CARD16: variants seen among roughly 807,000 people sequenced by gnomAD.
The protein encoded by CARD16 is caspase recruitment domain family member 16.
Under a neutral mutation model 11.9 loss-of-function variants are expected in CARD16, and 8 were observed. That is an observed-to-expected ratio of 0.67 (90% CI 0.39 to 1.21). The LOEUF (loss-of-function observed/expected upper bound fraction) is 1.21, where lower values mean the gene tolerates loss of function less well. Ranked by LOEUF, CARD16 falls within the 50% of genes most tolerant of loss-of-function variation. The pLI, the probability that CARD16 is intolerant of heterozygous loss-of-function variation, is 0.01. For synonymous variants in CARD16, 44 were observed against 43.8 expected, an observed-to-expected ratio of 1.00 and a Z score of -0.02; for missense variants, 131 against 118.1, an observed-to-expected ratio of 1.11 and a Z score of -0.51.
intron 1 of CARD16, 180 bp downstream of exon 1, chr11:105,045,111 G>A: frequency 2.4e-6 from 2 of 836,166 alleles, no homozygotes; most frequent in Non-Finnish European, 3.9e-6. Flanking sequence ...TTCTGGGCTT[G>A]CCTTTTCTTT....
intron 2 of CARD16, 83 bp downstream of exon 2, chr11:105,044,309 A>G (rs1381114936): frequency 2.5e-6 from 4 of 1,598,676 alleles, no homozygotes; most frequent in South Asian, 2.2e-5. Flanking sequence ...TATTCTGCAG[A>G]TTAACATGAC....
intron 2 of CARD16, 139 bp downstream of exon 2, chr11:105,044,253 A>G (rs995722484): frequency 2.2e-6 from 3 of 1,365,468 alleles, no homozygotes; most frequent in South Asian, 2.7e-5. Flanking sequence ...GACATGCAAT[A>G]GGGCCTCTGC....
chr11:105,043,782 T>C (rs1180763881), intron 2 of CARD16: 4 of 430,884 alleles, frequency 9.3e-6, no homozygotes, highest in Non-Finnish European at 1.7e-5. Context: ...CTGCAGATGA[T>C]GGAAGTCCAG....
In CARD16 at chr11:105,044,414, T is replaced by C. The variant is rs1333147248; in HGVS notation, c.252A>G (p.Ala84=). The C allele has an allele frequency of 6.2e-7, 1 of 1,614,124 alleles. No individual in the cohort carries two copies. The highest frequency in any genetic ancestry group is 2.2e-5 in the East Asian group (1 of 44,886). ...TACCTGCTGAGAGTCCCAGCGTCTC[T>C]GCCAGGTAACTGTCTTCTTCACAAA... ...TYICEEDSYL[A]ETLGLSAGPI... The change falls in exon 2 of 4, where the codon GCA becomes GCG. Residue 84 remains alanine, a synonymous_variant. Transcript: ENST00000673097.
At chr11:105,042,020 A>G (rs1319670482) in intron 3 of CARD16, among the ~76,000 whole-genome samples, 1 of 152,218 alleles carries the variant, frequency 6.6e-6, no homozygotes, top group East Asian at 1.9e-4. Context: ...GAAACAGTCA[A>G]TGAGTGATAT....
chr11:105,041,672 G>C lies in CARD16; in HGVS notation c.*91C>G. The C allele has an allele frequency of 6.2e-7, 1 of 1,613,928 alleles. No homozygotes were observed. The highest frequency in any genetic ancestry group is 8.5e-7 in the Non-Finnish European group (1 of 1,179,910). On this transcript the variant is annotated 3_prime_UTR_variant, in exon 4 of 4. Transcript: ENST00000673097. Reference sequence around the variant, plus strand: ...AAGCAAAGCTTGATTCTGCCTTCTGGGCTTGAGCATGTGGGCATAGCTGGG... The same window carrying C: ...AAGCAAAGCTTGATTCTGCCTTCTGCGCTTGAGCATGTGGGCATAGCTGGG...
At chr11:105,044,278 C>T (rs1864156921) in intron 2 of CARD16, 114 bp downstream of exon 2, 2 of 1,540,498 alleles carry the variant, frequency 1.3e-6, no homozygotes, top group African/African-American at 1.4e-5. Context: ...GAAATATGGC[C>T]CAAAGGCAGA....
chr11:105,042,516 T>A (rs570673947), intron 3 of CARD16, among the ~76,000 whole-genome samples: 56 of 152,306 alleles, frequency 3.7e-4, no homozygotes, highest in African/African-American at 1.3e-3. Flanking sequence ...ATCCAGAGGA[T>A]CTTTTAGAAA....
At chr11:105,045,160 C>T (rs1864177330) in intron 1 of CARD16, 131 bp downstream of exon 1, 4 of 1,309,560 alleles carry the variant, frequency 3.1e-6, no homozygotes, top group Non-Finnish European at 4.4e-6. Context: ...TTCTCTCCTC[C>T]CACTCCTCCC....
At chr11:105,043,112 A>T (rs1864138571) in intron 3 of CARD16, among the ~76,000 whole-genome samples, 1 of 152,154 alleles carries the variant, frequency 6.6e-6, no homozygotes, top group African/African-American at 2.4e-5. Context: ...TGATGGTGGC[A>T]TCAAAAACCA....
rs141911009 is a variant in CARD16, at chr11:105,044,622, T to A, written c.44A>T (p.His15Leu). 7.4e-6 allele frequency: 12 copies of A among 1,614,060 alleles called. No individual in the cohort carries two copies. Among genetic ancestry groups the A allele is most frequent in the Admixed American group, 5.0e-5 (3 of 60,010 alleles). ...VLKEKRKLFI[H>L]SMGEGTINGL... ...ATTTATTGTACCTTCACCCATGGAA[T>A]GGATAAACAGCTTTCTCTTCTCCTT... The change falls in exon 2 of 4, where the codon CAT becomes CTT. Residue 15 changes from histidine (H) to leucine (L), a missense_variant. By Grantham distance (99) the His-to-Leu change is moderately conservative (BLOSUM62 -3). Transcript: ENST00000673097.
rs370228566 is a variant in CARD16, at chr11:105,044,701, C to A, written c.8-43G>T. ...ATTTCTCACATCATGAAAACAGCCT[C>A]ATATTCCTCTCACGTCATCAACAGA... On this transcript the variant is annotated intron_variant, in intron 1 of 3. Transcript: ENST00000673097. The A allele has an allele frequency of 1.7e-5, 27 of 1,604,008 alleles. No individual in the cohort carries two copies. The African/African-American group carries it at 2.9e-4, about 17-fold the overall frequency.
Position 105,044,407 on chromosome 11 carries a change from G to T in CARD16, c.259C>A (p.Leu87Met). ...TGACCCTTACCTGCTGAGAGTCCCA[G>T]CGTCTCTGCCAGGTAACTGTCTTCT... is the stretch of plus-strand genomic sequence containing the variant. ...CEEDSYLAET[L>M]GLSAGPIPGN The change falls in exon 2 of 4, where the codon CTG (leucine) becomes ATG (methionine). Residue 87 changes from leucine (L) to methionine (M), a missense_variant. By Grantham distance (15) the Leu-to-Met change is conservative. Transcript: ENST00000673097. 1 of 1,614,086 alleles carries T rather than the reference G, an allele frequency of 6.2e-7. No homozygotes were observed. Among genetic ancestry groups the T allele is most frequent in the Non-Finnish European group, 8.5e-7 (1 of 1,179,938 alleles).
rs1381477098 is a variant in CARD16 at position 105,044,524 on chromosome 11, C to G, written c.142G>C (p.Ala48Pro). 1 of 1,614,016 alleles carries G rather than the reference C, an allele frequency of 6.2e-7. No individual in the cohort carries two copies. The highest frequency in any genetic ancestry group is 1.3e-5 in the African/African-American group (1 of 74,934). ...GCTCGGGTCTTATCCATAACTGTAG[C>G]ATTTTCACGTTTTACTTTCTCCATC... ...EEMEKVKREN[A>P]TVMDKTRALI... The change falls in exon 2 of 4, where the codon GCT becomes CCT. Residue 48 changes from alanine (A) to proline (P), a missense_variant. By Grantham distance (27) the Ala-to-Pro change is conservative. Transcript: ENST00000673097.
In CARD16 at chr11:105,044,409, G is replaced by C. The variant is rs148140246; in HGVS notation, c.257C>G (p.Thr86Arg). 2 of 1,614,056 alleles carry C rather than the reference G, an allele frequency of 1.2e-6. No individual in the cohort carries two copies. The highest frequency in any genetic ancestry group is 2.2e-5 in the South Asian group (2 of 91,086). Residue 86 changes from threonine (T) to arginine (R), a missense_variant, in exon 2 of 4, where the codon ACG becomes AGG. Transcript: ENST00000673097. The stretch of plus-strand genomic sequence containing the variant: ...ACCCTTACCTGCTGAGAGTCCCAGC[G>C]TCTCTGCCAGGTAACTGTCTTCTTC... ...ICEEDSYLAE[T>R]LGLSAGPIPG...
Position 105,041,589 on chromosome 11 carries a change from A to G in CARD16, c.*174T>C, listed in dbSNP as rs750220356. The G allele has an allele frequency of 4.3e-6, 7 of 1,613,962 alleles. No individual in the cohort carries two copies. The Admixed American group carries it at 1.2e-4, about 27-fold the overall frequency. ...ATCTTTCACTCCACTTTATTATTGTATTCTGAACATGGCACCTCTGCAACT... is the reference window on the plus strand; with the variant it reads ...ATCTTTCACTCCACTTTATTATTGTGTTCTGAACATGGCACCTCTGCAACT... On this transcript the variant is annotated 3_prime_UTR_variant, in exon 4 of 4. Coordinates refer to ENST00000673097, the MANE Select transcript of CARD16 (RefSeq NM_052889.4).
chr11:105,041,619 T>C lies in CARD16; in HGVS notation c.*144A>G. On this transcript the variant is annotated 3_prime_UTR_variant, in exon 4 of 4. Coordinates refer to ENST00000673097, the MANE Select transcript of CARD16 (RefSeq NM_052889.4). ...GAACATGGCACCTCTGCAACTTTTG[T>C]TTCCATATCCTTTGAGCGTCTTCTA... 3 of 1,614,126 alleles carry C rather than the reference T, an allele frequency of 1.9e-6. No individual in the cohort carries two copies. The highest frequency in any genetic ancestry group is 2.5e-6 in the Non-Finnish European group (3 of 1,179,962).
At chr11:105,044,250 A>G in intron 2 of CARD16, 142 bp downstream of exon 2, 1 of 1,354,760 alleles carries the variant, frequency 7.4e-7, no homozygotes, top group South Asian at 1.3e-5. Context: ...AGGGACATGC[A>G]ATAGGGCCTC....
Position 105,044,845 on chromosome 11 carries a change from G to A in CARD16, c.8-187C>T, listed in dbSNP as rs139184839. On this transcript the variant is annotated intron_variant, in intron 1 of 3. Coordinates refer to ENST00000673097, the MANE Select transcript of CARD16 (RefSeq NM_052889.4). ...CTCAGTAGTCCCCATATATGTGCAT[G>A]GAGTGACCTGAAGACTGAGTTTACC... 3,007 of 1,020,688 alleles carry A rather than the reference G, an allele frequency of 2.9e-3. 16 individuals carry two copies. The highest frequency in any genetic ancestry group is 3.3e-3 in the Non-Finnish European group (2,332 of 704,660). 63.2% of individuals were successfully genotyped at this position (1,020,688 alleles called of 1,614,324 possible). A position where few individuals can be genotyped will look rare whatever the true frequency, so the allele number is the denominator to read the frequency against.
Sources: allele counts gnomAD v4.1 joint callset (sites outside exome capture counted in the v4.1 genomes callset), GRCh38; gene constraint gnomAD v4.1.1; transcripts MANE v1.5; gene names NCBI Gene and HGNC (gene_info 2026-07-23, HGNC 2026-07-21).